Variants in ADAMTSL1 observed in about 807,000 individuals in gnomAD.
The protein encoded by ADAMTSL1 is ADAMTS-like protein 1.
In ADAMTSL1, 126 loss-of-function variants were observed where a neutral mutation model predicts 201.8. The ratio of observed to expected loss-of-function variants is 0.62; its 90% confidence interval spans 0.54 to 0.72. ADAMTSL1 has a LOEUF of 0.72. Among genes scored for constraint, ADAMTSL1 ranks in the 30% least tolerant of loss-of-function variants. The pLI, the probability that ADAMTSL1 is intolerant of heterozygous loss-of-function variation, is 0.00. For missense variants in ADAMTSL1, 2,679 were observed against 2,277.8 expected (o/e 1.18, Z -3.59); for synonymous variants, 1,121 against 903.4 (o/e 1.24, Z -4.32).
intron 1 of ADAMTSL1, among the ~76,000 whole-genome samples, chr9:18,134,758 T>C (rs1463787721): frequency 6.6e-6 from 1 of 152,160 alleles, no homozygotes; most frequent in Non-Finnish European, 1.5e-5. Flanking sequence ...AACCCAAGCA[T>C]CTGAAATGAT....
At chr9:18,524,109 T>C (rs1429486307) in intron 2 of ADAMTSL1, among the ~76,000 whole-genome samples, 3 of 151,600 alleles carry the variant, frequency 2.0e-5, no homozygotes, top group Non-Finnish European at 4.4e-5. Context: ...GTATCCTCTT[T>C]TATTTCCTCG....
chr9:18,620,931 T>C (rs1825998640), intron 4 of ADAMTSL1, among the ~76,000 whole-genome samples: 1 of 152,222 alleles, frequency 6.6e-6, no homozygotes, highest in African/African-American at 2.4e-5. Context: ...AACACAATGT[T>C]AAATAATTAT....
At chr9:18,382,121 G>A (rs1460517814) in intron 2 of ADAMTSL1, among the ~76,000 whole-genome samples, 3 of 152,034 alleles carry the variant, frequency 2.0e-5, no homozygotes, top group African/African-American at 7.2e-5. Flanking sequence ...TTTGACCGGG[G>A]GCAGGTAGCA....
intron 2 of ADAMTSL1, among the ~76,000 whole-genome samples, chr9:18,314,922 G>T (rs1408961273): frequency 4.1e-4 from 60 of 145,012 alleles, no homozygotes; most frequent in African/African-American, 1.4e-3. Flanking sequence ...TCAGCCTCCC[G>T]AGTAGCTGGG....
At chr9:18,409,873 C>CAT (rs1009049058) in intron 2 of ADAMTSL1, among the ~76,000 whole-genome samples, 5 of 149,744 alleles carry the variant, frequency 3.3e-5, no homozygotes, top group East Asian at 3.9e-4. Flanking sequence ...TATATGTATA[C>CAT]ATATATATAG....
rs1564099610 is a variant in ADAMTSL1, at chr9:18,626,866, TCTG to T, written c.601+4498_601+4500del. Among the ~76,000 whole-genome samples the T allele has an allele frequency of 3.4e-3, 444 of 129,136 alleles. 3 individuals carry two copies. The highest frequency in any genetic ancestry group is 6.2e-3 in the African/African-American group (196 of 31,748). The allele number at this position is 129,136 out of a possible 152,430, so 84.7% of individuals were successfully genotyped here. A position where few individuals can be genotyped will look rare whatever the true frequency, so the allele number is the denominator to read the frequency against. ...TTCTTTCTTTCTTTCTTTCTTTCTT[TCTG>T]TCTTTCTTCCTTCCTTCCTTCCTTC... On this transcript the variant is annotated intron_variant, in intron 5 of 28. Transcript: ENST00000380548.
chr9:18,718,635 TGCCGCC>T, intron 14 of ADAMTSL1: 1 of 361,086 alleles, frequency 2.8e-6, no homozygotes, highest in Non-Finnish European at 5.4e-6. Context: ...GTCCTGCCGC[TGCCGCC>T]GCCGCTCCAG....
At chr9:18,401,239 C>A (rs1817972464) in intron 2 of ADAMTSL1, among the ~76,000 whole-genome samples, 1 of 152,224 alleles carries the variant, frequency 6.6e-6, no homozygotes, top group Admixed American at 6.5e-5. Flanking sequence ...AGTTCATTAG[C>A]TTTCCACCTC....
At chr9:18,315,520 G>C (rs562769696) in intron 2 of ADAMTSL1, among the ~76,000 whole-genome samples, 3 of 152,278 alleles carry the variant, frequency 2.0e-5, no homozygotes, top group African/African-American at 7.2e-5. Context: ...GCAAGAATTA[G>C]AGCGTGGCAT....
At position 18,316,225 on chromosome 9, in the gene ADAMTSL1, G is replaced by A. The variant is rs182275176; in HGVS notation, c.207+152244G>A. On this transcript the variant is annotated intron_variant, in intron 2 of 29. Transcript: ENST00000680146. ...AAGATCACAGGACCACAGGACCGGG[G>A]CGAAATTAAAATTGCTAATGAAGTT... Among the ~76,000 whole-genome samples, 723 of 152,226 alleles carry A rather than the reference G, an allele frequency of 4.7e-3. 9 individuals carry two copies. Among genetic ancestry groups the A allele is most frequent in the African/African-American group, 0.016 (684 of 41,546 alleles).
In ADAMTSL1 at chr9:18,707,062, C is replaced by A. The variant is rs2133333902; in HGVS notation, c.1876+14C>A. The A allele has an allele frequency of 1.2e-6, 2 of 1,606,258 alleles. No individual in the cohort carries two copies. The highest frequency in any genetic ancestry group is 2.2e-5 in the East Asian group (1 of 44,732). On this transcript the variant is annotated intron_variant, in intron 14 of 28. Coordinates refer to ENST00000380548, the MANE Select transcript of ADAMTSL1 (RefSeq NM_001040272.6). ...CCTGTGGAGGAGGTAAGAAAGGGGG[C>A]TCTGGCTCAGATCCCCGCCATCTTC...
intron 23 of ADAMTSL1, among the ~76,000 whole-genome samples, chr9:18,872,359 G>T (rs972003309): frequency 6.6e-6 from 1 of 152,068 alleles, no homozygotes; most frequent in Non-Finnish European, 1.5e-5. Flanking sequence ...CAGTAGGTTT[G>T]GGGGGAACAG....
intron 16 of ADAMTSL1, among the ~76,000 whole-genome samples, chr9:18,761,725 T>C (rs970975166): frequency 3.3e-5 from 5 of 152,250 alleles, no homozygotes; most frequent in African/African-American, 7.2e-5. Flanking sequence ...TCACAGACTT[T>C]GGAGCCTTGA....
At chr9:18,401,292 AAAAATCCACATTAT>A (rs1817974456) in intron 2 of ADAMTSL1, among the ~76,000 whole-genome samples, 1 of 152,172 alleles carries the variant, frequency 6.6e-6, no homozygotes, top group African/African-American at 2.4e-5. Flanking sequence ...ATAGGCTTTT[AAAAATCCACATTAT>A]ACCTCTTCTC....
chr9:18,087,430 C>G (rs985659722), intron 1 of ADAMTSL1, among the ~76,000 whole-genome samples: 4 of 152,048 alleles, frequency 2.6e-5, no homozygotes, highest in Admixed American at 6.6e-5. Context: ...TCCTAGGTCA[C>G]TTAAAGTGAA....
intron 2 of ADAMTSL1, among the ~76,000 whole-genome samples, chr9:18,518,799 C>A (rs890728617): frequency 2.6e-5 from 4 of 152,136 alleles, no homozygotes; most frequent in African/African-American, 9.7e-5. Flanking sequence ...ACCTCTGCCC[C>A]CCGGATTCAA....
intron 1 of ADAMTSL1, among the ~76,000 whole-genome samples, chr9:18,090,122 T>C (rs1029254672): frequency 5.9e-5 from 9 of 152,180 alleles, no homozygotes; most frequent in African/African-American, 1.9e-4. Context: ...AAGTAAGTAT[T>C]GGCAAGAATG....
intron 2 of ADAMTSL1, among the ~76,000 whole-genome samples, chr9:18,419,575 G>T (rs1818844683): frequency 1.3e-5 from 2 of 152,114 alleles, no homozygotes; most frequent in African/African-American, 4.8e-5. Context: ...TGGATAAACA[G>T]ACTGGTACCT....
chr9:18,459,555 A>T (rs1396418974), intron 2 of ADAMTSL1, among the ~76,000 whole-genome samples: 1 of 152,194 alleles, frequency 6.6e-6, no homozygotes, highest in Admixed American at 6.5e-5. Context: ...CTCTGCACCC[A>T]GGGAACTTGC....
Sources: gnomAD v4.1 joint callset for allele counts (sites outside exome capture counted in the v4.1 genomes callset) on GRCh38, gnomAD v4.1.1 for gene constraint, MANE v1.5 for transcripts, NCBI Gene and HGNC (gene_info 2026-07-23, HGNC 2026-07-21) for gene names.